Variants in TG observed in about 807,000 individuals in gnomAD.
TG encodes the protein thyroid hormones.
A neutral mutation model predicts 324.7 loss-of-function variants in TG; 270 were observed. That is an observed-to-expected ratio of 0.83 (90% CI 0.75 to 0.92). The LOEUF is 0.92. TG is among the 40% of genes least tolerant of loss of function. TG has a pLI of 0.00. For missense variants in TG, 3,591 were observed against 3,456.4 expected (o/e 1.04, Z -0.98); for synonymous variants, 1,401 against 1,327.0 (o/e 1.06, Z -1.21).
chr8:133,004,607 A>G (rs534831129), intron 35 of TG, among the ~76,000 whole-genome samples: 1 of 152,282 alleles, frequency 6.6e-6, no homozygotes, highest in South Asian at 2.1e-4. Context: ...TACATTGTAA[A>G]TCGATATTGT....
chr8:133,008,417 G>A (rs147375689), intron 35 of TG, among the ~76,000 whole-genome samples: 1 of 151,712 alleles, frequency 6.6e-6, no homozygotes, highest in East Asian at 1.9e-4. Context: ...CTCACGATGC[G>A]ATAAGCATGC....
In TG at chr8:133,083,138, T is replaced by A. The variant is rs1177638278; in HGVS notation, c.7240-11906T>A. Among the ~76,000 whole-genome samples the A allele has an allele frequency of 2.6e-5, 4 of 152,172 alleles. No homozygotes were observed. In the East Asian group the frequency reaches 7.7e-4, roughly 29 times the overall value. ...TTAGGCTGGAAAATTTTATTTTTGT[T>A]TGAGTAGCAATAATAAATAATTATA... On this transcript the variant is annotated intron_variant, in intron 41 of 47. Transcript: ENST00000220616.
Position 132,966,631 on chromosome 8 carries a change from A to C in TG, c.5620A>C (p.Ser1874Arg). 1 of 1,614,138 alleles carries C rather than the reference A, an allele frequency of 6.2e-7. No homozygotes were observed. Among genetic ancestry groups the C allele is most frequent in the Non-Finnish European group, 8.5e-7 (1 of 1,180,002 alleles). Residue 1874 changes from serine to arginine, a missense_variant, in exon 30 of 48, where the codon AGC (serine) becomes CGC (arginine). Coordinates refer to ENST00000220616, the MANE Select transcript of TG (RefSeq NM_003235.5). ...TGTCAATGGAAATCAATCACTATCC[A>C]GCCAGAAGCACTGGCTTTTCAAGCA... ...VIVNGNQSLS[S>R]QKHWLFKHLF...
In TG at chr8:133,033,713, T is replaced by C. The variant is rs1373671393; in HGVS notation, c.7239+3690T>C. Among the ~76,000 whole-genome samples the C allele has an allele frequency of 3.9e-5, 6 of 152,252 alleles. 1 individual carries two copies. The highest frequency in any genetic ancestry group is 8.8e-5 in the Non-Finnish European group (6 of 68,046). On this transcript the variant is annotated intron_variant, in intron 41 of 47. Transcript: ENST00000220616. The stretch of plus-strand genomic sequence containing the variant: ...GCATATCCAGTATCCACCTGGAAAG[T>C]TCCTGCTGTCCTTCAGGGCTCAGCT...
rs114250950 is a variant in TG, at chr8:132,870,789, T to G, written c.275-559T>G. On this transcript the variant is annotated intron_variant, in intron 3 of 47. Transcript: ENST00000220616. Reference sequence around the variant, plus strand: ...GAGAGAAAGCTAGAGAGATAGAAGGTGGAGGTGCCAGGCTCTTTTTAACAT... The same window carrying G: ...GAGAGAAAGCTAGAGAGATAGAAGGGGGAGGTGCCAGGCTCTTTTTAACAT... Among the ~76,000 whole-genome samples the G allele has an allele frequency of 4.3e-3, 656 of 151,980 alleles. 6 individuals are homozygous for G. Among genetic ancestry groups the G allele is most frequent in the African/African-American group, 0.015 (614 of 41,426 alleles).
intron 5 of TG, among the ~76,000 whole-genome samples, chr8:132,877,924 T>C (rs983583376): frequency 6.6e-6 from 1 of 151,482 alleles, no homozygotes; most frequent in Non-Finnish European, 1.5e-5. Flanking sequence ...GATTTTGTCT[T>C]CCTCCTTTCT....
chr8:132,916,543 GT>G (rs1820310139), intron 20 of TG, among the ~76,000 whole-genome samples: 1 of 152,212 alleles, frequency 6.6e-6, no homozygotes, highest in African/African-American at 2.4e-5. Flanking sequence ...AGGATTCTCT[GT>G]GTCATCCTGG....
chr8:133,006,533 A>G (rs1834029758), intron 35 of TG, among the ~76,000 whole-genome samples: 2 of 152,222 alleles, frequency 1.3e-5, no homozygotes, highest in Non-Finnish European at 2.9e-5. Context: ...GCTGTCAGGT[A>G]CAGTCCTGGA....
intron 41 of TG, among the ~76,000 whole-genome samples, chr8:133,066,213 C>A (rs552238628): frequency 1.1e-4 from 16 of 151,190 alleles, no homozygotes; most frequent in South Asian, 2.1e-4. Context: ...GTAGTCCCAG[C>A]TACTTGGGAG....
chr8:133,050,192 A>G (rs942857933), intron 41 of TG: 5 of 573,816 alleles, frequency 8.7e-6, no homozygotes, highest in Non-Finnish European at 1.6e-5. Flanking sequence ...CCTCCATTGC[A>G]AGCCAACTGG....
At chr8:133,060,168 T>C in intron 41 of TG, 1 of 1,612,630 alleles carries the variant, frequency 6.2e-7, no homozygotes. Flanking sequence ...CATTTCTTTC[T>C]TTTTCCCTGG....
chr8:132,876,659 A>G (rs1284646284), intron 5 of TG, among the ~76,000 whole-genome samples: 3 of 152,118 alleles, frequency 2.0e-5, no homozygotes, highest in Non-Finnish European at 4.4e-5. Flanking sequence ...TGGCTGGAAA[A>G]TTTTAAAGAA....
At chr8:132,920,858 G>T (rs909148184) in intron 21 of TG, among the ~76,000 whole-genome samples, 6 of 152,296 alleles carry the variant, frequency 3.9e-5, no homozygotes, top group African/African-American at 1.4e-4. Context: ...TCACTCACAG[G>T]GTGGTAATAA....
At chr8:132,936,373 G>A (rs1307285208) in intron 25 of TG, among the ~76,000 whole-genome samples, 1 of 152,126 alleles carries the variant, frequency 6.6e-6, no homozygotes, top group Non-Finnish European at 1.5e-5. Context: ...TACCCTCCCA[G>A]GACGTTTTCC....
In TG at chr8:133,011,829, G is replaced by C. The variant is rs1004533454; in HGVS notation, c.6263-72G>C. ...CCTAAGGCTGCCTTTGGGGATATTGGGTAATACACGGCTGTCTTTGTTACT... is the reference window on the plus strand; with the variant it reads ...CCTAAGGCTGCCTTTGGGGATATTGCGTAATACACGGCTGTCTTTGTTACT... On this transcript the variant is annotated intron_variant, in intron 35 of 47. Coordinates refer to ENST00000220616, the MANE Select transcript of TG (RefSeq NM_003235.5). 2.5e-6 allele frequency: 4 copies of C among 1,607,094 alleles called. No individual in the cohort carries two copies. In the African/African-American group the frequency reaches 5.4e-5, roughly 21 times the overall value.
chr8:132,901,514 C>T lies in TG; in HGVS notation c.3595C>T (p.Pro1199Ser). Residue 1199 changes from proline (P) to serine (S), a missense_variant, in exon 16 of 48, where the codon CCT becomes TCT. Physicochemically the swap from Pro to Ser is moderately conservative, Grantham distance 74 (BLOSUM62 -1). Coordinates refer to ENST00000220616, the MANE Select transcript of TG (RefSeq NM_003235.5). ...TGTCATGGACAGCGGAGAAGAGGTG[C>T]CTGGGACGCGCGTGACCGGGGGCCA... ...WCVMDSGEEV[P>S]GTRVTGGQPA... 1 of 1,613,944 alleles carries T rather than the reference C, an allele frequency of 6.2e-7. No individual in the cohort carries two copies. Among genetic ancestry groups the T allele is most frequent in the Non-Finnish European group, 8.5e-7 (1 of 1,180,032 alleles).
At chr8:133,060,016 T>C (rs1288362734) in intron 41 of TG, 16 of 1,405,588 alleles carry the variant, frequency 1.1e-5, no homozygotes, top group Non-Finnish European at 1.3e-5. Context: ...ATTTAAGTAG[T>C]TACCGGCATC....
intron 40 of TG, among the ~76,000 whole-genome samples, chr8:133,022,867 A>G (rs1180838701): frequency 6.6e-6 from 1 of 152,182 alleles, no homozygotes; most frequent in East Asian, 1.9e-4. Context: ...CCGGCTGTGG[A>G]CCCTCAGACA....
chr8:132,948,905 A>T lies in TG; in HGVS notation c.5363A>T (p.Gln1788Leu). The change falls in exon 27 of 48, where the codon CAG becomes CTG. Residue 1788 changes from glutamine (Q) to leucine (L), a missense_variant. Coordinates refer to ENST00000220616, the MANE Select transcript of TG (RefSeq NM_003235.5). ...PGVTYDQESH[Q>L]VILRLGDQEF... ...GTGACATATGACCAGGAGAGCCACC[A>T]GGTGATATTGCGTCTTGGAGACCAG... 1 of 1,614,062 alleles carries T rather than the reference A, an allele frequency of 6.2e-7. No individual in the cohort carries two copies. Among genetic ancestry groups the T allele is most frequent in the Non-Finnish European group, 8.5e-7 (1 of 1,180,008 alleles).
Sources: allele counts gnomAD v4.1 joint callset (sites outside exome capture counted in the v4.1 genomes callset), GRCh38; gene constraint gnomAD v4.1.1; transcripts MANE v1.5; gene names NCBI Gene and HGNC (gene_info 2026-07-23, HGNC 2026-07-21).